The following PREX2 variants were observed in gnomAD, a reference collection of about 807,000 sequenced individuals.
The protein encoded by PREX2 is phosphatidylinositol 3,4,5-trisphosphate-dependent Rac exchanger 2 protein.
PREX2 carries 107 observed loss-of-function variants against 203.2 expected under a neutral mutation model. The ratio of observed to expected loss-of-function variants is 0.53; its 90% CI spans 0.45 to 0.62. The LOEUF is 0.62. PREX2 is among the 20% of genes least tolerant of loss of function. PREX2 has a pLI of 0.00. For synonymous variants in PREX2, 672 were observed against 663.6 expected (o/e 1.01, Z -0.19); for missense variants, 1,777 against 1,955.9 (o/e 0.91, Z 1.72).
Position 68,072,486 on chromosome 8 carries a change from C to A in PREX2, c.1494-9C>A, listed in dbSNP as rs755576568. 16 of 1,499,008 alleles carry A rather than the reference C, an allele frequency of 1.1e-5. No individual in the cohort carries two copies. In the African/African-American group the frequency reaches 2.2e-4, roughly 21 times the overall value. 92.9% of individuals were successfully genotyped at this position (1,499,008 alleles called of 1,614,324 possible). A position where few individuals can be genotyped will look rare whatever the true frequency, so the allele number is the denominator to read the frequency against. ...TTTTGTTTGTTTGTTTTTATTTTTT[C>A]CTTTATAGAGATAAAGATTACCATT... On this transcript the variant is annotated splice_polypyrimidine_tract_variant and intron_variant, in intron 13 of 39. Transcript: ENST00000288368.
At chr8:68,014,024 G>T (rs1807342181) in intron 1 of PREX2, among the ~76,000 whole-genome samples, 1 of 152,154 alleles carries the variant, frequency 6.6e-6, no homozygotes. Flanking sequence ...GCAAAAATAT[G>T]TTGAAAGAGA....
chr8:68,203,442 A>G (rs773976820), intron 37 of PREX2, among the ~76,000 whole-genome samples: 2 of 152,182 alleles, frequency 1.3e-5, no homozygotes, highest in South Asian at 2.1e-4. Flanking sequence ...AAGGACAGCC[A>G]TCAGGAGGCT....
chr8:68,048,808 C>G (rs1206566892), intron 8 of PREX2, among the ~76,000 whole-genome samples: 1 of 151,940 alleles, frequency 6.6e-6, no homozygotes, highest in Non-Finnish European at 1.5e-5. Context: ...CCTGTATTAT[C>G]TCAATGATCG....
At chr8:68,179,631 C>T (rs1272787767) in intron 35 of PREX2, among the ~76,000 whole-genome samples, 5 of 152,102 alleles carry the variant, frequency 3.3e-5, no homozygotes, top group South Asian at 4.1e-4. Context: ...AAGAAGGACA[C>T]GCCCCTGACT....
At chr8:67,997,877 A>G (rs1288198086) in intron 1 of PREX2, among the ~76,000 whole-genome samples, 1 of 152,176 alleles carries the variant, frequency 6.6e-6, no homozygotes, top group Non-Finnish European at 1.5e-5. Context: ...GAGCTCTTCA[A>G]TCCATGAACG....
At chr8:68,117,581 C>T (rs1810682842) in intron 26 of PREX2, among the ~76,000 whole-genome samples, 2 of 152,096 alleles carry the variant, frequency 1.3e-5, no homozygotes, top group South Asian at 2.1e-4. Flanking sequence ...TTAAAATTAC[C>T]CTGACAGTTT....
chr8:68,162,659 A>G (rs866335847), intron 35 of PREX2, among the ~76,000 whole-genome samples: 28 of 152,278 alleles, frequency 1.8e-4, no homozygotes, highest in African/African-American at 6.5e-4. Flanking sequence ...AGAACAGAGG[A>G]GAGAGCTGTG....
intron 6 of PREX2, 132 bp from the exon 7 acceptor site, chr8:68,038,027 A>T: frequency 1.1e-6 from 1 of 908,464 alleles, no homozygotes; most frequent in Non-Finnish European, 1.7e-6. Context: ...AACTATCTCT[A>T]CTGCTTGCAC....
intron 1 of PREX2, among the ~76,000 whole-genome samples, chr8:67,998,673 G>A (rs1349670060): frequency 6.6e-6 from 1 of 152,174 alleles, no homozygotes; most frequent in African/African-American, 2.4e-5. Flanking sequence ...GTGGTGACGA[G>A]GTGGGAGGGT....
Position 68,072,489 on chromosome 8 carries a change from T to TTA in PREX2, c.1494-3_1494-2dup. ...TGTTTGTTTGTTTTTATTTTTTCCTTTATAGAGATAAAGATTACCATTTAA... is the reference window on the plus strand; with the variant it reads ...TGTTTGTTTGTTTTTATTTTTTCCTTTATATAGAGATAAAGATTACCATTTAA... On this transcript the variant is annotated splice_region_variant and splice_polypyrimidine_tract_variant and intron_variant, in intron 13 of 39. Coordinates refer to ENST00000288368, the MANE Select transcript of PREX2 (RefSeq NM_024870.4). The TTA allele has an allele frequency of 6.5e-7, 1 of 1,528,040 alleles. No homozygotes were observed. The highest frequency in any genetic ancestry group is 2.3e-5 in the East Asian group (1 of 44,126). The allele number at this position is 1,528,040 out of a possible 1,614,324, so 94.7% of individuals were successfully genotyped here. A position where few individuals can be genotyped will look rare whatever the true frequency, so the allele number is the denominator to read the frequency against.
At chr8:68,064,546 TTTTTTTTAA>T (rs1434881339) in intron 11 of PREX2, among the ~76,000 whole-genome samples, 1 of 151,858 alleles carries the variant, frequency 6.6e-6, no homozygotes, top group Non-Finnish European at 1.5e-5. Flanking sequence ...TTTGTTTTTT[TTTTTTTTAA>T]TTTGTAGAAA....
chr8:68,012,599 A>G (rs949078368), intron 1 of PREX2, among the ~76,000 whole-genome samples: 5 of 152,322 alleles, frequency 3.3e-5, no homozygotes, highest in East Asian at 3.9e-4. Context: ...AGAGTGATCA[A>G]TGCCCACGAG....
intron 14 of PREX2, among the ~76,000 whole-genome samples, chr8:68,075,486 C>T (rs187376116): frequency 2.0e-5 from 3 of 152,130 alleles, no homozygotes; most frequent in African/African-American, 4.8e-5. Context: ...CAGGAAGCCT[C>T]GCCAGATCCT....
chr8:68,231,477 CTTT>C lies in PREX2; in HGVS notation c.*115_*117del, dbSNP rs10581964. The C allele has an allele frequency of 0.036, 17,059 of 470,068 alleles. 82 individuals are homozygous for C. Among genetic ancestry groups the C allele is most frequent in the Middle Eastern group, 0.066 (194 of 2,946 alleles). 29.1% of individuals were successfully genotyped at this position (470,068 alleles called of 1,614,324 possible). On this transcript the variant is annotated 3_prime_UTR_variant, in exon 40 of 40. Coordinates refer to ENST00000288368, the MANE Select transcript of PREX2 (RefSeq NM_024870.4). ...ATTCTCCACTGAAGATACATCAATG[CTTT>C]TTTTTTTTTTTTTTTCTGTAAATCT...
At chr8:68,076,372 G>T (rs1285553749) in intron 14 of PREX2, among the ~76,000 whole-genome samples, 2 of 152,092 alleles carry the variant, frequency 1.3e-5, no homozygotes, top group African/African-American at 4.8e-5. Flanking sequence ...TGGGAGAATC[G>T]CTTGAACCAG....
At chr8:68,080,083 A>C (rs541094520) in intron 15 of PREX2, among the ~76,000 whole-genome samples, 7 of 152,296 alleles carry the variant, frequency 4.6e-5, no homozygotes, top group African/African-American at 1.7e-4. Context: ...AAACACCATA[A>C]ATTTCTATGT....
Position 68,030,678 on chromosome 8 carries a change from C to T in PREX2, c.705+20C>T, listed in dbSNP as rs746231246. 1.2e-6 allele frequency: 2 copies of T among 1,612,206 alleles called. No individual in the cohort carries two copies. Among genetic ancestry groups the T allele is most frequent in the Non-Finnish European group, 1.7e-6 (2 of 1,178,558 alleles). On this transcript the variant is annotated intron_variant, in intron 6 of 39. Coordinates refer to ENST00000288368, the MANE Select transcript of PREX2 (RefSeq NM_024870.4). ...TGGGAGGTACATTCACTTTGCTTGA[C>T]AATCGAGCTTAAGATAGTTTTATGT...
chr8:68,204,509 C>T (rs1026319201), intron 37 of PREX2, among the ~76,000 whole-genome samples: 1 of 151,904 alleles, frequency 6.6e-6, no homozygotes, highest in Non-Finnish European at 1.5e-5. Context: ...CTTTTTTGCC[C>T]TAAGATAGAT....
intron 35 of PREX2, among the ~76,000 whole-genome samples, chr8:68,183,665 G>A (rs1003205385): frequency 5.3e-5 from 8 of 152,164 alleles, no homozygotes; most frequent in East Asian, 1.9e-4. Context: ...GTGGAGTGAC[G>A]GAGCATTTGG....
Sources: gnomAD v4.1 joint callset for allele counts (sites outside exome capture counted in the v4.1 genomes callset) on GRCh38, gnomAD v4.1.1 for gene constraint, MANE v1.5 for transcripts, NCBI Gene and HGNC (gene_info 2026-07-23, HGNC 2026-07-21) for gene names.